TIAM2: variants seen among roughly 807,000 people sequenced by gnomAD.
The protein encoded by TIAM2 is rho guanine nucleotide exchange factor TIAM2.
TIAM2 carries 80 observed loss-of-function variants against 152.9 expected under a neutral mutation model. The ratio of observed to expected loss-of-function variants is 0.52; its 90% confidence interval spans 0.44 to 0.63. The LOEUF (loss-of-function observed/expected upper bound fraction) is 0.63, where lower values mean the gene tolerates loss of function less well. Ranked by LOEUF, TIAM2 falls within the 30% of genes least tolerant of loss-of-function variation. TIAM2 has a pLI of 0.00. For synonymous variants in TIAM2, 804 were observed against 838.0 expected, an observed-to-expected ratio of 0.96 and a Z score of 0.70; for missense variants, 1,965 against 2,120.1, an observed-to-expected ratio of 0.93 and a Z score of 1.44.
At chr6:155,229,023 C>T (rs912090856) in intron 15 of TIAM2, among the ~76,000 whole-genome samples, 3 of 152,214 alleles carry the variant, frequency 2.0e-5, no homozygotes, top group East Asian at 1.9e-4. Context: ...AAAGTATGTC[C>T]GCATTTCCTC....
At chr6:155,138,274 A>C (rs778314706) in intron 5 of TIAM2, among the ~76,000 whole-genome samples, 1 of 152,250 alleles carries the variant, frequency 6.6e-6, no homozygotes, top group Non-Finnish European at 1.5e-5. Flanking sequence ...GTTGTTTGGA[A>C]GGCAGCTTCT....
chr6:154,995,971 T>TC lies in TIAM2; in HGVS notation c.-209+482dup, dbSNP rs1778205046. Among the ~76,000 whole-genome samples, 1 of 152,122 alleles carries TC rather than the reference T, an allele frequency of 6.6e-6. No individual in the cohort carries two copies. Among genetic ancestry groups the TC allele is most frequent in the Admixed American group, 6.5e-5 (1 of 15,284 alleles). ...AGAAAGGCGCTGCGGCGAAGCAGGATCCCAGGCGGTCGGCTCAGCGAGTGT... is the reference window on the plus strand; with the variant it reads ...AGAAAGGCGCTGCGGCGAAGCAGGATCCCCAGGCGGTCGGCTCAGCGAGTGT... On this transcript the variant is annotated intron_variant, in intron 1 of 26. Transcript: ENST00000682666. The surrounding 1 kb of genome is among the most constrained non-coding windows in gnomAD (Gnocchi z 5.2).
chr6:155,160,053 A>C (rs1338939631), intron 7 of TIAM2, among the ~76,000 whole-genome samples: 1 of 152,030 alleles, frequency 6.6e-6, no homozygotes, highest in African/African-American at 2.4e-5. Context: ...TTATTATAAG[A>C]AATAGGCTCA....
intron 2 of TIAM2, among the ~76,000 whole-genome samples, chr6:155,123,303 T>A (rs1043443428): frequency 2.0e-5 from 3 of 152,196 alleles, no homozygotes; most frequent in Non-Finnish European, 1.5e-5. Context: ...CTTTTCTCTA[T>A]CTTAATTATG....
chr6:155,191,038 G>A (rs1292454125), intron 14 of TIAM2, among the ~76,000 whole-genome samples: 1 of 152,160 alleles, frequency 6.6e-6, no homozygotes, highest in African/African-American at 2.4e-5. Flanking sequence ...TTTAGCTCTC[G>A]TGTTTAGAGA....
At chr6:155,020,243 C>G (rs1014858266) in intron 1 of TIAM2, among the ~76,000 whole-genome samples, 97 of 152,212 alleles carry the variant, frequency 6.4e-4, no homozygotes, top group African/African-American at 2.2e-3. Context: ...TCTAAAGAAA[C>G]CTGTGGAAAT....
intron 15 of TIAM2, among the ~76,000 whole-genome samples, chr6:155,228,858 G>T (rs957423345): frequency 2.0e-5 from 3 of 152,166 alleles, no homozygotes; most frequent in Non-Finnish European, 4.4e-5. Context: ...GGGGAGCAGG[G>T]GTCCTCCCTG....
Position 155,257,117 on chromosome 6 carries a change from C to CATAGT in TIAM2, c.5105_*3dup. ...TATGAAACAGAGAGCCACGGAAAAT[C>CATAGT]ATAGTATGATTCAATCCAGATATGG... On this transcript the variant is annotated stop_gained and frameshift_variant, in exon 27 of 27. Transcript: ENST00000682666. LOFTEE classifies it high-confidence loss of function. 1.3e-6 allele frequency: 2 copies of CATAGT among 1,498,576 alleles called. No homozygotes were observed. Among genetic ancestry groups the CATAGT allele is most frequent in the Non-Finnish European group, 1.8e-6 (2 of 1,107,414 alleles). The allele number at this position is 1,498,576 out of a possible 1,614,324, so 92.8% of individuals were successfully genotyped here.
chr6:155,019,255 A>G (rs1425258459), intron 1 of TIAM2, among the ~76,000 whole-genome samples: 1 of 151,928 alleles, frequency 6.6e-6, no homozygotes. Context: ...AATCATTTGA[A>G]CCGGGGAGGT....
chr6:155,186,747 GTAATCCCATTTTTTAAC>G lies in TIAM2; in HGVS notation c.3064+3251_3064+3267del, dbSNP rs1351076456. Among the ~76,000 whole-genome samples the G allele has an allele frequency of 3.9e-5, 6 of 152,144 alleles. No individual in the cohort carries two copies. The highest frequency in any genetic ancestry group is 1.4e-4 in the African/African-American group (6 of 41,422). On this transcript the variant is annotated intron_variant, in intron 14 of 26. Transcript: ENST00000682666. This position sits in a 1 kb window ranked among gnomAD's most constrained non-coding sequence, Gnocchi z 4.5. ...TACTTTTGCAATGAATTAGAAAACAGTAATCCCATTTTTTAACTAAAAAAGTTAAAATTTACGGAAAT... is the reference window on the plus strand; with the variant it reads ...TACTTTTGCAATGAATTAGAAAACAGTAAAAAAGTTAAAATTTACGGAAAT...
At chr6:155,069,740 T>C (rs1455724698) in intron 1 of TIAM2, among the ~76,000 whole-genome samples, 1 of 152,154 alleles carries the variant, frequency 6.6e-6, no homozygotes, top group Admixed American at 6.6e-5. Flanking sequence ...ATTTGCTTTG[T>C]CATCAGATTT....
chr6:155,176,885 C>G lies in TIAM2; in HGVS notation c.2431C>G (p.Gln811Glu). 6.2e-7 allele frequency: 1 copy of G among 1,613,986 alleles called. No individual in the cohort carries two copies. The highest frequency in any genetic ancestry group is 8.5e-7 in the Non-Finnish European group (1 of 1,179,964). ...TCCCCGAGACAATGCATGGGAAATC[C>G]AGACTTATGTCCACTTTCAGGACAA... ...GVPRDNAWEI[Q>E]TYVHFQDNHG... Residue 811 changes from glutamine (Q) to glutamate (E), a missense_variant, in exon 10 of 27, where the codon CAG becomes GAG. Transcript: ENST00000682666.
At chr6:155,105,750 C>G (rs1458281509) in intron 2 of TIAM2, among the ~76,000 whole-genome samples, 1 of 151,976 alleles carries the variant, frequency 6.6e-6, no homozygotes, top group Non-Finnish European at 1.5e-5. Flanking sequence ...CGTGCCCAGC[C>G]TTTGTTATTT....
chr6:155,132,418 G>C (rs757256905), intron 4 of TIAM2, among the ~76,000 whole-genome samples: 1 of 151,546 alleles, frequency 6.6e-6, no homozygotes, highest in Admixed American at 6.6e-5. Context: ...GCTGGGCTTC[G>C]GTTCTCCCTC....
intron 3 of TIAM2, among the ~76,000 whole-genome samples, 155 bp downstream of exon 3, chr6:155,127,755 G>C (rs1450680236): frequency 6.6e-6 from 1 of 152,152 alleles, no homozygotes; most frequent in Non-Finnish European, 1.5e-5. Context: ...CTTCTGTTTT[G>C]TGGCTACACA....
Position 155,130,089 on chromosome 6 carries a change from C to G in TIAM2, c.866C>G (p.Pro289Arg), listed in dbSNP as rs983382899. 1 of 1,614,024 alleles carries G rather than the reference C, an allele frequency of 6.2e-7. No individual in the cohort carries two copies. Among genetic ancestry groups the G allele is most frequent in the African/African-American group, 1.3e-5 (1 of 74,942 alleles). Residue 289 changes from proline (P) to arginine (R), a missense_variant, in exon 4 of 27, where the codon CCT becomes CGT. Around this residue, in one of 3 missense-constraint regions of TIAM2, gnomAD observed 1,025 missense variants for 1,119.4 expected, o/e 0.92. Transcript: ENST00000682666. Reference sequence around the variant, plus strand: ...TTCCCACCTGGCGATGCCAAAAAGCCTTTCAACCAAAGCTCTTCCCTCTCC... The same window carrying G: ...TTCCCACCTGGCGATGCCAAAAAGCGTTTCAACCAAAGCTCTTCCCTCTCC... The part of the protein sequence containing the change: ...ASFPPGDAKK[P>R]FNQSSSLSSL...
At chr6:154,996,123 G>T (rs1303271418) in intron 1 of TIAM2, among the ~76,000 whole-genome samples, 1 of 152,230 alleles carries the variant, frequency 6.6e-6, no homozygotes, top group African/African-American at 2.4e-5. Flanking sequence ...TGCCCCTAAT[G>T]GATCCTATTT....
chr6:155,230,999 A>AT (rs144375888), intron 15 of TIAM2, among the ~76,000 whole-genome samples: 9,588 of 146,926 alleles, frequency 0.065, 359 homozygotes, highest in South Asian at 0.13. Flanking sequence ...AGCCTGGCTA[A>AT]TTTTTTTTTT....
At chr6:155,225,572 C>G (rs1253000400) in intron 15 of TIAM2, among the ~76,000 whole-genome samples, 3 of 152,202 alleles carry the variant, frequency 2.0e-5, no homozygotes, top group Admixed American at 6.5e-5. Flanking sequence ...GTTCTGCTGC[C>G]TTCTCTAGAT....
Sources: gnomAD v4.1 joint callset for allele counts (sites outside exome capture counted in the v4.1 genomes callset) on GRCh38, gnomAD v4.1.1 for gene constraint, gnomAD v4.1.1 regional missense constraint, Gnocchi (gnomAD v3.1) non-coding constraint, MANE v1.5 for transcripts, NCBI Gene and HGNC (gene_info 2026-07-23, HGNC 2026-07-21) for gene names.